The following GRIP1 variants were observed in gnomAD, a reference collection of about 807,000 sequenced individuals.
GRIP1 encodes glutamate receptor-interacting protein 1.
Under a neutral mutation model 129.9 loss-of-function variants are expected in GRIP1, and 45 were observed. The ratio of observed to expected loss-of-function variants is 0.35; its 90% confidence interval spans 0.27 to 0.44. The LOEUF (loss-of-function observed/expected upper bound fraction) is 0.44. Among genes scored for constraint, GRIP1 ranks in the 20% least tolerant of loss-of-function variants. GRIP1 has a pLI of 1.00. For missense variants in GRIP1, 1,196 were observed against 1,396.8 expected (o/e 0.86, Z 2.29); for synonymous variants, 530 against 520.8 (o/e 1.02, Z -0.24).
chr12:66,906,023 A>G (rs1231753430), intron 1 of GRIP1, among the ~76,000 whole-genome samples: 1 of 152,190 alleles, frequency 6.6e-6, no homozygotes, highest in Non-Finnish European at 1.5e-5. Flanking sequence ...AAATCATAAG[A>G]AAAAAAGGAT....
intron 1 of GRIP1, among the ~76,000 whole-genome samples, chr12:66,939,272 A>T (rs745421907): frequency 2.1e-4 from 32 of 152,134 alleles, no homozygotes; most frequent in Non-Finnish European, 3.7e-4. Flanking sequence ...GATTGAGACC[A>T]GGAGTTCAGG....
chr12:66,431,545 A>C (rs938773337), intron 14 of GRIP1, among the ~76,000 whole-genome samples: 24 of 152,182 alleles, frequency 1.6e-4, no homozygotes, highest in African/African-American at 5.6e-4. Flanking sequence ...ATACTGCCCA[A>C]TTGAGAACTT....
chr12:66,411,349 G>A (rs987568226), intron 15 of GRIP1, among the ~76,000 whole-genome samples: 1 of 152,126 alleles, frequency 6.6e-6, no homozygotes, highest in Non-Finnish European at 1.5e-5. Flanking sequence ...GGGGTCTGGA[G>A]TAGACCCCCA....
intron 1 of GRIP1, among the ~76,000 whole-genome samples, chr12:66,998,228 G>C (rs11830983): frequency 6.6e-6 from 1 of 152,038 alleles, no homozygotes; most frequent in East Asian, 1.9e-4. Flanking sequence ...GACTGTACTA[G>C]ACACAGAGAT....
At chr12:66,574,924 T>C (rs1188518091) in intron 2 of GRIP1, among the ~76,000 whole-genome samples, 2 of 152,082 alleles carry the variant, frequency 1.3e-5, no homozygotes, top group African/African-American at 2.4e-5. Context: ...CCAGCCACCA[T>C]GCCCAGCTAT....
intron 2 of GRIP1, among the ~76,000 whole-genome samples, chr12:66,552,385 A>T (rs1378653674): frequency 6.6e-6 from 1 of 152,174 alleles, no homozygotes; most frequent in African/African-American, 2.4e-5. Context: ...GATACTTTTA[A>T]AGACTATCCA....
In GRIP1 at chr12:66,410,642, A is replaced by AAAACAAACAAAC. The variant is rs377000515; in HGVS notation, c.1839-4226_1839-4215dup. 4.2e-3 allele frequency among the ~76,000 whole-genome samples: 493 copies of AAAACAAACAAAC among 116,006 alleles called. 9 individuals carry two copies. The highest frequency in any genetic ancestry group is 0.012 in the African/African-American group (465 of 40,162). The allele number at this position is 116,006 out of a possible 152,430, so 76.1% of individuals were successfully genotyped here. On this transcript the variant is annotated intron_variant, in intron 15 of 24. Transcript: ENST00000359742. ...GGGCATCAGAGTGAGACTCTGTCTC[A>AAAACAAACAAAC]AAACAAACAAACAAACAAACAAACA...
At chr12:66,546,905 C>G (rs1345215840) in intron 2 of GRIP1, among the ~76,000 whole-genome samples, 1 of 151,966 alleles carries the variant, frequency 6.6e-6, no homozygotes, top group African/African-American at 2.4e-5. Context: ...AAAAAATCAG[C>G]AAATTGGACT....
intron 14 of GRIP1, among the ~76,000 whole-genome samples, chr12:66,425,299 C>T (rs571461102): frequency 6.6e-5 from 10 of 152,108 alleles, no homozygotes; most frequent in South Asian, 4.2e-4. Flanking sequence ...GTTAGAATGG[C>T]GATCATTAAA....
intron 2 of GRIP1, among the ~76,000 whole-genome samples, chr12:66,578,130 G>A (rs1250420929): frequency 6.6e-6 from 1 of 151,688 alleles, no homozygotes; most frequent in African/African-American, 2.4e-5. Flanking sequence ...GGACAGGCAT[G>A]GTGGCTCAGG....
chr12:66,578,876 C>T (rs971448681), intron 2 of GRIP1, among the ~76,000 whole-genome samples: 1 of 152,170 alleles, frequency 6.6e-6, no homozygotes, highest in Non-Finnish European at 1.5e-5. Context: ...AGACTTAAAT[C>T]TCCCTGTCTG....
At chr12:66,415,230 A>T (rs998283294) in intron 15 of GRIP1, among the ~76,000 whole-genome samples, 2 of 152,176 alleles carry the variant, frequency 1.3e-5, no homozygotes, top group African/African-American at 2.4e-5. Flanking sequence ...TTCACAATCT[A>T]TCCATCTGAT....
chr12:66,706,235 G>A (rs1565978441), intron 1 of GRIP1, among the ~76,000 whole-genome samples: 1 of 152,070 alleles, frequency 6.6e-6, no homozygotes. Context: ...TCAAAAAGTG[G>A]GCAAAGGATA....
chr12:66,749,189 C>G (rs1448710175), intron 1 of GRIP1, among the ~76,000 whole-genome samples: 2 of 152,294 alleles, frequency 1.3e-5, no homozygotes, highest in South Asian at 2.1e-4. Context: ...AGAATGTGAA[C>G]TACTCACGAA....
chr12:66,680,490 T>C (rs190309909), upstream of GRIP1, among the ~76,000 whole-genome samples: 121 of 152,262 alleles, frequency 7.9e-4, no homozygotes, highest in Middle Eastern at 3.4e-3. Context: ...CACTAATCAA[T>C]AGAAAATACT....
chr12:66,546,861 T>G (rs1376975025), intron 2 of GRIP1, among the ~76,000 whole-genome samples: 1 of 134,620 alleles, frequency 7.4e-6, no homozygotes, highest in Non-Finnish European at 1.6e-5. Context: ...GAAGGGTTTC[T>G]AGACTTGACA....
chr12:66,581,606 A>T (rs1367104106), intron 2 of GRIP1, among the ~76,000 whole-genome samples: 1 of 151,168 alleles, frequency 6.6e-6, no homozygotes, highest in Non-Finnish European at 1.5e-5. Context: ...ACAAACTACC[A>T]TCAGAGAATA....
chr12:67,026,468 CA>C (rs2042943367), intron 1 of GRIP1, among the ~76,000 whole-genome samples: 1 of 152,226 alleles, frequency 6.6e-6, no homozygotes, highest in Non-Finnish European at 1.5e-5. Flanking sequence ...TCTCCTCCCT[CA>C]AAAGGTTGTC....
intron 1 of GRIP1, among the ~76,000 whole-genome samples, chr12:66,782,620 G>C: frequency 6.6e-6 from 1 of 152,134 alleles, no homozygotes; most frequent in Non-Finnish European, 1.5e-5. Context: ...TTTCACTTCT[G>C]GTTATGGAAA....
Sources: allele counts gnomAD v4.1 joint callset (sites outside exome capture counted in the v4.1 genomes callset), GRCh38; gene constraint gnomAD v4.1.1; transcripts MANE v1.5; gene names NCBI Gene and HGNC (gene_info 2026-07-23, HGNC 2026-07-21).